SLC5A4: variants seen among roughly 807,000 people sequenced by gnomAD.
The protein encoded by SLC5A4 is probable glucose sensor protein SLC5A4.
In SLC5A4, 55 loss-of-function variants were observed where a neutral mutation model predicts 70.3. The ratio of observed to expected loss-of-function variants is 0.78; its 90% CI spans 0.63 to 0.98. The LOEUF is 0.98. Among genes scored for constraint, SLC5A4 ranks in the 50% least tolerant of loss-of-function variants. The pLI, the probability that SLC5A4 is intolerant of heterozygous loss-of-function variation, is 0.00. For synonymous variants in SLC5A4, 268 were observed against 305.7 expected (o/e 0.88, Z 1.29); for missense variants, 735 against 839.2 (o/e 0.88, Z 1.53).
the SLC5A4 span, among the ~76,000 whole-genome samples, chr22:32,264,949 A>G: frequency 1.3e-5 from 2 of 152,268 alleles, no homozygotes; most frequent in Admixed American, 1.3e-4. Flanking sequence ...TCAAGTTTGG[A>G]AATGTTTGAA....
the SLC5A4 span, among the ~76,000 whole-genome samples, chr22:32,338,382 C>T: frequency 6.8e-6 from 1 of 147,858 alleles, no homozygotes; most frequent in African/African-American, 2.5e-5. Context: ...GACGCGGTGC[C>T]TCACGCCTGT....
chr22:32,239,542 AT>A (rs1189796085), intron 5 of SLC5A4, among the ~76,000 whole-genome samples: 4 of 12,868 alleles, frequency 3.1e-4, no homozygotes, highest in Non-Finnish European at 4.7e-4. Flanking sequence ...ATATATATAT[AT>A]ATATATATAT....
At chr22:32,309,009 G>C in the SLC5A4 span, among the ~76,000 whole-genome samples, 2 of 152,132 alleles carry the variant, frequency 1.3e-5, no homozygotes, top group Non-Finnish European at 2.9e-5. Flanking sequence ...TATGATTTCA[G>C]CTCACTGCAA....
chr22:32,329,829 G>C, the SLC5A4 span, among the ~76,000 whole-genome samples: 1 of 54,112 alleles, frequency 1.8e-5, no homozygotes, highest in African/African-American at 9.5e-5. Flanking sequence ...GTGTGTGTTG[G>C]GGGCTCTGGT....
At chr22:32,304,622 G>C in the SLC5A4 span, among the ~76,000 whole-genome samples, 2 of 152,100 alleles carry the variant, frequency 1.3e-5, no homozygotes, top group African/African-American at 4.8e-5. Context: ...TGTATATTTT[G>C]GCTAATGACC....
At chr22:32,253,606 G>C (rs966820676) in intron 2 of SLC5A4, among the ~76,000 whole-genome samples, 2 of 152,160 alleles carry the variant, frequency 1.3e-5, no homozygotes, top group Non-Finnish European at 1.5e-5. Flanking sequence ...TATAAGGTGG[G>C]GCTGAGCTGG....
chr22:32,270,969 G>A, the SLC5A4 span: 1 of 539,820 alleles, frequency 1.9e-6, no homozygotes, highest in Admixed American at 2.7e-5. Context: ...GATGAGCTAG[G>A]GGGCCACAGT....
rs757244102 is a variant in SLC5A4, at chr22:32,247,495, A to G, written c.393T>C (p.Tyr131=). 50 of 1,612,966 alleles carry G rather than the reference A, an allele frequency of 3.1e-5. 3 individuals carry two copies. In the South Asian group the frequency reaches 4.8e-4, roughly 16 times the overall value. The change falls in exon 5 of 15, where the codon TAT becomes TAC. Residue 131 remains tyrosine (Y), a synonymous_variant. Coordinates refer to ENST00000266086, the MANE Select transcript of SLC5A4 (RefSeq NM_014227.3). ...IKSGVMTMPE[Y]LKKRFGGERL... ...GCTCCCCACCAAACCGCTTCTTGAG[A>G]TATTCCGGCATGGTCATCACCTGCA...
the SLC5A4 span, among the ~76,000 whole-genome samples, chr22:32,347,685 T>A: frequency 1.8e-5 from 2 of 109,976 alleles, no homozygotes; most frequent in Non-Finnish European, 3.4e-5. Flanking sequence ...AAGGGGAACA[T>A]CACACACTGG....
the SLC5A4 span, chr22:32,270,076 C>T: frequency 1.4e-5 from 7 of 495,034 alleles, no homozygotes; most frequent in African/African-American, 7.7e-5. Context: ...ACAGAAGAAG[C>T]GAGTGGACAC....
At chr22:32,318,174 T>C in the SLC5A4 span, among the ~76,000 whole-genome samples, 2 of 151,604 alleles carry the variant, frequency 1.3e-5, no homozygotes, top group Non-Finnish European at 2.9e-5. Flanking sequence ...TCCTCTTCAC[T>C]CTTTCTACTC....
At chr22:32,241,413 A>G (rs1207063015) in intron 5 of SLC5A4, among the ~76,000 whole-genome samples, 2 of 152,246 alleles carry the variant, frequency 1.3e-5, no homozygotes, top group Non-Finnish European at 2.9e-5. Context: ...AATGAGGAAC[A>G]CCATGTTTGA....
chr22:32,226,655 A>G (rs947457688), intron 11 of SLC5A4, among the ~76,000 whole-genome samples: 1 of 152,226 alleles, frequency 6.6e-6, no homozygotes, highest in Non-Finnish European at 1.5e-5. Context: ...TAAGGATTCA[A>G]TAAATTACAC....
Position 32,234,855 on chromosome 22 carries a change from C to G in SLC5A4, c.885+18G>C. The G allele has an allele frequency of 6.5e-7, 1 of 1,541,086 alleles. No individual in the cohort carries two copies. Among genetic ancestry groups the G allele is most frequent in the Non-Finnish European group, 9.0e-7 (1 of 1,115,900 alleles). ...ACAGACAGACAGACAGACAGACACA[C>G]ATATACATATACTTCACCTGATTTG... On this transcript the variant is annotated intron_variant, in intron 8 of 14. Coordinates refer to ENST00000266086, the MANE Select transcript of SLC5A4 (RefSeq NM_014227.3).
chr22:32,292,003 G>T, the SLC5A4 span, among the ~76,000 whole-genome samples: 1 of 144,372 alleles, frequency 6.9e-6, no homozygotes, highest in Non-Finnish European at 1.5e-5. Context: ...CTCCTGAGAA[G>T]CTGAGATTAC....
chr22:32,299,394 T>A, the SLC5A4 span, among the ~76,000 whole-genome samples: 1 of 125,366 alleles, frequency 8.0e-6, no homozygotes, highest in African/African-American at 3.0e-5. Flanking sequence ...TCTCGCTTCA[T>A]TTCATTCATT....
chr22:32,285,282 G>C, the SLC5A4 span, among the ~76,000 whole-genome samples: 2 of 152,000 alleles, frequency 1.3e-5, no homozygotes, highest in African/African-American at 4.8e-5. Context: ...ACTCATGCTG[G>C]GTTCAAAGTG....
At chr22:32,349,895 T>C in the SLC5A4 span, among the ~76,000 whole-genome samples, 1 of 152,206 alleles carries the variant, frequency 6.6e-6, no homozygotes. Flanking sequence ...CCATAAAATC[T>C]CTTTCCTTCA....
chr22:32,231,173 A>G, intron 9 of SLC5A4, 98 bp from the exon 10 acceptor site: 1 of 755,538 alleles, frequency 1.3e-6, no homozygotes, highest in South Asian at 1.5e-5. Flanking sequence ...AAGGAAGGAA[A>G]GACATTTGCC....
Sources: gnomAD v4.1 joint callset for allele counts (sites outside exome capture counted in the v4.1 genomes callset) on GRCh38, gnomAD v4.1.1 for gene constraint, MANE v1.5 for transcripts, NCBI Gene and HGNC (gene_info 2026-07-23, HGNC 2026-07-21) for gene names.